The following MECOM variants were observed in gnomAD, a reference collection of about 807,000 sequenced individuals.
MECOM encodes the protein MDS1 and EVI1 complex locus.
In MECOM, 13 loss-of-function variants were observed where a neutral mutation model predicts 116.3. That is an observed-to-expected ratio of 0.11 (90% CI 0.07 to 0.18). The LOEUF (loss-of-function observed/expected upper bound fraction) is 0.18, where lower values mean the gene tolerates loss of function less well. MECOM is among the 10% of genes least tolerant of loss of function. MECOM has a pLI of 1.00. For missense variants in MECOM, 1,299 were observed against 1,509.0 expected (o/e 0.86, Z 2.31); for synonymous variants, 528 against 535.2 (o/e 0.99, Z 0.19).
Position 169,093,073 on chromosome 3 carries a change from G to C in MECOM, c.3049C>G (p.Leu1017Val). 1 of 1,612,778 alleles carries C rather than the reference G, an allele frequency of 6.2e-7. No individual in the cohort carries two copies. Among genetic ancestry groups the C allele is most frequent in the East Asian group, 2.2e-5 (1 of 44,852 alleles). The change falls in exon 14 of 17, where the codon CTG becomes GTG. Residue 1017 changes from leucine to valine, a missense_variant. Around this residue, in one of 6 missense-constraint regions of MECOM, gnomAD observed 273 missense variants for 289.3 expected, o/e 0.94. Coordinates refer to ENST00000651503, the MANE Select transcript of MECOM (RefSeq NM_004991.4). ...TCCAGAATCGCACCTGTACTTTCCA[G>C]TTCAGAATGAGGCGACGATGTTGCT... ...GTATSSPHSE[L>V]ESTGAILDDK...
At chr3:169,092,182 C>G (rs1428054181) in intron 14 of MECOM, among the ~76,000 whole-genome samples, 1 of 151,922 alleles carries the variant, frequency 6.6e-6, no homozygotes, top group Non-Finnish European at 1.5e-5. Context: ...TTAAGCTATT[C>G]ATGCTTAATG....
intron 2 of MECOM, among the ~76,000 whole-genome samples, chr3:169,172,403 TTGTATG>T (rs1744561425): frequency 8.9e-6 from 1 of 112,824 alleles, no homozygotes; most frequent in Non-Finnish European, 1.8e-5. Context: ...GCAGGTACCC[TTGTATG>T]TGTGTGTGTG....
intron 5 of MECOM, among the ~76,000 whole-genome samples, chr3:169,127,464 C>G (rs1391411401): frequency 6.6e-6 from 1 of 152,086 alleles, no homozygotes; most frequent in Non-Finnish European, 1.5e-5. Flanking sequence ...AATACCAGAT[C>G]TAGTCCTTTA....
At position 169,090,128 on chromosome 3, in the gene MECOM, A is replaced by C; in HGVS notation, c.3273T>G (p.Asp1091Glu). The change falls in exon 15 of 17, where the codon GAT (aspartate) becomes GAG (glutamate). Residue 1091 changes from aspartate (D) to glutamate (E), a missense_variant. Asp to Glu is a conservative substitution (Grantham distance 45, BLOSUM62 2). Coordinates refer to ENST00000651503, the MANE Select transcript of MECOM (RefSeq NM_004991.4). ...VEDEVLLDEEDEDNDITGKTG... is the reference protein window; with the variant it reads ...VEDEVLLDEEEEDNDITGKTG... ...TTTTTCCAGTAATATCATTGTCTTCATCCTCCTCATCTAACAACACCTCAT... is the reference window on the plus strand; with the variant it reads ...TTTTTCCAGTAATATCATTGTCTTCCTCCTCCTCATCTAACAACACCTCAT... 1 of 1,613,348 alleles carries C rather than the reference A, an allele frequency of 6.2e-7. No homozygotes were observed. The highest frequency in any genetic ancestry group is 8.5e-7 in the Non-Finnish European group (1 of 1,179,600).
chr3:169,086,768 T>G (rs1717894700), intron 16 of MECOM, among the ~76,000 whole-genome samples: 1 of 152,178 alleles, frequency 6.6e-6, no homozygotes, highest in Non-Finnish European at 1.5e-5. Flanking sequence ...ATTGTACTGG[T>G]CAACTATTTT....
chr3:169,143,738 T>C lies in MECOM; in HGVS notation c.470A>G (p.Tyr157Cys), dbSNP rs758170580. ...GCATGCAACAAGGTTGTGCTGATCA[T>C]AACAGCCAGCGAATCTAATGTACTT... The part of the protein sequence containing the change: ...WLKYIRFAGC[Y>C]DQHNLVACQI... Residue 157 changes from tyrosine to cysteine, a missense_variant, in exon 3 of 17, where the codon TAT becomes TGT. Tyr to Cys is a radical substitution (Grantham distance 194). Around this residue, in one of 6 missense-constraint regions of MECOM, gnomAD observed 374 missense variants for 433.4 expected, o/e 0.86. Transcript: ENST00000651503. The C allele has an allele frequency of 1.9e-6, 3 of 1,611,808 alleles. No homozygotes were observed. The highest frequency in any genetic ancestry group is 1.7e-5 in the Admixed American group (1 of 59,678).
chr3:169,266,583 C>T (rs1758337194), intron 2 of MECOM, among the ~76,000 whole-genome samples: 1 of 152,154 alleles, frequency 6.6e-6, no homozygotes, highest in Non-Finnish European at 1.5e-5. Flanking sequence ...GGAGAGCCAA[C>T]ACAGTTCAGA....
intron 1 of MECOM, among the ~76,000 whole-genome samples, chr3:169,455,893 T>C (rs1746397630): frequency 6.6e-6 from 1 of 152,206 alleles, no homozygotes; most frequent in African/African-American, 2.4e-5. Context: ...TTTGTGAATG[T>C]AGTTCTTATG....
chr3:169,644,001 T>A (rs1773824211), intron 1 of MECOM, among the ~76,000 whole-genome samples: 1 of 152,098 alleles, frequency 6.6e-6, no homozygotes, highest in African/African-American at 2.4e-5. Context: ...CTCGTACGCA[T>A]TGCCTAGAAA....
At chr3:169,134,559 TC>T (rs1451466002) in intron 3 of MECOM, among the ~76,000 whole-genome samples, 1 of 152,176 alleles carries the variant, frequency 6.6e-6, no homozygotes, top group Non-Finnish European at 1.5e-5. Context: ...TGGGCATGCT[TC>T]CCCATATAGC....
chr3:169,472,197 T>C (rs1749367418), intron 1 of MECOM, among the ~76,000 whole-genome samples: 1 of 150,778 alleles, frequency 6.6e-6, no homozygotes, highest in South Asian at 2.1e-4. Flanking sequence ...CCAACAAAAA[T>C]TAAAAATTAA....
intron 1 of MECOM, among the ~76,000 whole-genome samples, chr3:169,392,425 G>A (rs562733863): frequency 5.9e-5 from 9 of 152,282 alleles, no homozygotes; most frequent in Non-Finnish European, 1.2e-4. Context: ...AGAGGAATTC[G>A]ATGATTGAAG....
intron 1 of MECOM, among the ~76,000 whole-genome samples, chr3:169,429,516 A>T (rs531028809): frequency 6.6e-6 from 1 of 152,306 alleles, no homozygotes; most frequent in South Asian, 2.1e-4. Context: ...TGTTCAACAA[A>T]TATTTGTTGC....
At chr3:169,661,662 C>G (rs1339087495) in intron 1 of MECOM, among the ~76,000 whole-genome samples, 1 of 152,226 alleles carries the variant, frequency 6.6e-6, no homozygotes, top group Non-Finnish European at 1.5e-5. Flanking sequence ...CGGGGCTACA[C>G]CGCCGACTCC....
intron 2 of MECOM, among the ~76,000 whole-genome samples, chr3:169,172,266 G>GT (rs35780406): frequency 0.071 from 10,733 of 151,782 alleles, 479 homozygotes; most frequent in South Asian, 0.19. Context: ...ACTTTTTCTT[G>GT]TTTTTTTACA....
intron 2 of MECOM, among the ~76,000 whole-genome samples, chr3:169,312,039 G>A (rs993711989): frequency 2.0e-5 from 3 of 152,288 alleles, no homozygotes; most frequent in South Asian, 4.1e-4. Context: ...CAGACCACGC[G>A]GGGCTTTGTG....
chr3:169,149,975 G>GTGTGTCTGTC (rs1359900377), intron 2 of MECOM, among the ~76,000 whole-genome samples: 18 of 100,396 alleles, frequency 1.8e-4, no homozygotes, highest in Non-Finnish European at 3.6e-4. Context: ...GTGTGTGTGT[G>GTGTGTCTGTC]TGTCTGTCTG....
chr3:169,307,124 A>T (rs1204421533), intron 2 of MECOM, among the ~76,000 whole-genome samples: 8 of 152,182 alleles, frequency 5.3e-5, no homozygotes, highest in Admixed American at 5.2e-4. Flanking sequence ...CATTGATCAA[A>T]CAATTACCCT....
At chr3:169,300,757 CCAAA>C (rs1716551723) in intron 2 of MECOM, among the ~76,000 whole-genome samples, 3 of 152,242 alleles carry the variant, frequency 2.0e-5, no homozygotes, top group Admixed American at 6.5e-5. Context: ...CATAGTGTCC[CCAAA>C]CAAAGACGAT....
Sources: gnomAD v4.1 joint callset for allele counts (sites outside exome capture counted in the v4.1 genomes callset) on GRCh38, gnomAD v4.1.1 for gene constraint, gnomAD v4.1.1 regional missense constraint, MANE v1.5 for transcripts, NCBI Gene and HGNC (gene_info 2026-07-23, HGNC 2026-07-21) for gene names.